The following SLC39A11 variants were observed in gnomAD, a reference collection of about 807,000 sequenced individuals.
The protein encoded by SLC39A11 is zinc transporter ZIP11.
A neutral mutation model predicts 36.1 loss-of-function variants in SLC39A11; 33 were observed. That is an observed-to-expected ratio of 0.91 (90% CI 0.69 to 1.22). The LOEUF is 1.22. Ranked by LOEUF, SLC39A11 falls within the 50% of genes most tolerant of loss-of-function variation. The pLI is 0.00. For synonymous variants in SLC39A11, 166 were observed against 170.3 expected, an observed-to-expected ratio of 0.97 and a Z score of 0.20; for missense variants, 432 against 430.3, an observed-to-expected ratio of 1.00 and a Z score of -0.03.
At chr17:72,855,829 G>A (rs895388152) in intron 5 of SLC39A11, among the ~76,000 whole-genome samples, 4 of 151,838 alleles carry the variant, frequency 2.6e-5, no homozygotes, top group African/African-American at 4.8e-5. Flanking sequence ...CCCGGGAGGC[G>A]GAGCTTGCAG....
At chr17:72,967,062 C>T (rs2147997752) in intron 4 of SLC39A11, among the ~76,000 whole-genome samples, 1 of 152,300 alleles carries the variant, frequency 6.6e-6, no homozygotes, top group East Asian at 1.9e-4. Flanking sequence ...TCCCATCACC[C>T]CTAGATGGGA....
At chr17:72,882,360 T>TAAA (rs11332921) in intron 5 of SLC39A11, among the ~76,000 whole-genome samples, 1 of 126,280 alleles carries the variant, frequency 7.9e-6, no homozygotes, top group South Asian at 2.6e-4. Flanking sequence ...TTCCTATATC[T>TAAA]AAAAAAAAAA....
intron 3 of SLC39A11, among the ~76,000 whole-genome samples, chr17:73,053,754 C>A (rs1490954373): frequency 1.3e-5 from 2 of 152,134 alleles, no homozygotes; most frequent in Admixed American, 1.3e-4. Context: ...TGGTGCCGAC[C>A]GCCCCCTGCC....
At chr17:73,018,336 G>T (rs760583980) in intron 4 of SLC39A11, among the ~76,000 whole-genome samples, 3 of 152,088 alleles carry the variant, frequency 2.0e-5, no homozygotes, top group Non-Finnish European at 4.4e-5. Flanking sequence ...ATTACCTGAG[G>T]TCAGGAGTTC....
intron 5 of SLC39A11, among the ~76,000 whole-genome samples, chr17:72,905,172 CAAAAAA>C (rs58702930): frequency 7.9e-4 from 34 of 42,912 alleles, no homozygotes; most frequent in East Asian, 2.2e-3. Flanking sequence ...GACTCCATCT[CAAAAAA>C]AAAAAAAAAA....
chr17:72,909,676 C>T (rs867207778), intron 5 of SLC39A11, among the ~76,000 whole-genome samples: 4 of 151,972 alleles, frequency 2.6e-5, no homozygotes, highest in African/African-American at 9.6e-5. Context: ...CCAAAGTCCT[C>T]ACTCACCAAT....
At chr17:72,740,254 G>A (rs1461239518) in intron 6 of SLC39A11, among the ~76,000 whole-genome samples, 4 of 151,570 alleles carry the variant, frequency 2.6e-5, no homozygotes, top group Admixed American at 6.6e-5. Flanking sequence ...TAGTAGAGAC[G>A]GGGTTTCACA....
intron 6 of SLC39A11, among the ~76,000 whole-genome samples, chr17:72,748,276 C>A (rs543231626): frequency 1.3e-5 from 2 of 151,036 alleles, no homozygotes; most frequent in Non-Finnish European, 2.9e-5. Flanking sequence ...GAGCCGAGAT[C>A]GCGCCATTGC....
intron 7 of SLC39A11, among the ~76,000 whole-genome samples, chr17:72,722,810 T>A (rs973820277): frequency 1.3e-4 from 19 of 151,956 alleles, no homozygotes; most frequent in African/African-American, 4.4e-4. Flanking sequence ...AATTTTTGTA[T>A]TTTTTAGTAG....
chr17:72,911,418 T>A (rs66621952), intron 5 of SLC39A11, among the ~76,000 whole-genome samples: 38,066 of 131,920 alleles, frequency 0.29, 5,485 homozygotes, highest in African/African-American at 0.43. Flanking sequence ...AAGTATAATT[T>A]AAAAAAAAAA....
intron 7 of SLC39A11, among the ~76,000 whole-genome samples, chr17:72,663,236 G>A (rs1406315278): frequency 2.6e-5 from 4 of 152,294 alleles, no homozygotes; most frequent in South Asian, 4.1e-4. Flanking sequence ...CAAACAACAC[G>A]TTTGAGCAGA....
chr17:72,774,459 C>T (rs1598669992), intron 6 of SLC39A11, among the ~76,000 whole-genome samples: 2 of 152,188 alleles, frequency 1.3e-5, no homozygotes, highest in Non-Finnish European at 2.9e-5. Flanking sequence ...CAAACCCGCG[C>T]TTCATTTTAC....
chr17:72,799,013 G>A (rs185785143), intron 6 of SLC39A11, among the ~76,000 whole-genome samples: 10 of 151,394 alleles, frequency 6.6e-5, no homozygotes, highest in Non-Finnish European at 1.2e-4. Context: ...TGGAGGAGGG[G>A]AGAGGAGCTG....
At chr17:72,864,326 T>C (rs1397002017) in intron 5 of SLC39A11, among the ~76,000 whole-genome samples, 16 of 150,340 alleles carry the variant, frequency 1.1e-4, no homozygotes, top group African/African-American at 3.7e-4. Flanking sequence ...TTTTTTTTTT[T>C]CCTAGCAACC....
At chr17:72,891,685 T>C (rs376201487) in intron 5 of SLC39A11, among the ~76,000 whole-genome samples, 2 of 152,106 alleles carry the variant, frequency 1.3e-5, no homozygotes, top group African/African-American at 4.8e-5. Context: ...CTACTTGGCA[T>C]TATTACACAT....
At chr17:72,883,984 GTC>G (rs767811045) in intron 5 of SLC39A11, among the ~76,000 whole-genome samples, 1 of 152,076 alleles carries the variant, frequency 6.6e-6, no homozygotes, top group Non-Finnish European at 1.5e-5. Context: ...GCAAAACTCT[GTC>G]TCTACAAAAA....
intron 4 of SLC39A11, among the ~76,000 whole-genome samples, chr17:72,994,331 T>C (rs1177312078): frequency 6.6e-6 from 1 of 152,288 alleles, no homozygotes; most frequent in South Asian, 2.1e-4. Flanking sequence ...AACTAATATA[T>C]ATAGAATGTT....
In SLC39A11 at chr17:73,075,846, C is replaced by T. The variant is rs1226358901; in HGVS notation, c.147+8962G>A. 3.3e-5 allele frequency among the ~76,000 whole-genome samples: 5 copies of T among 152,112 alleles called. No homozygotes were observed. In the South Asian group the frequency reaches 6.2e-4, roughly 19 times the overall value. On this transcript the variant is annotated intron_variant, in intron 3 of 9. Coordinates refer to ENST00000255559, the MANE Select transcript of SLC39A11 (RefSeq NM_139177.4). ...CTAGCCTGGGTGACAGAGTGAGACT[C>T]TATCTCAAAAAAATCCCAGATCTGC...
intron 5 of SLC39A11, among the ~76,000 whole-genome samples, chr17:72,856,371 C>A (rs1041383480): frequency 1.3e-5 from 2 of 152,150 alleles, no homozygotes; most frequent in African/African-American, 2.4e-5. Context: ...GCCTGCTGCC[C>A]AAATGAGGCC....
Sources: allele counts gnomAD v4.1 joint callset (sites outside exome capture counted in the v4.1 genomes callset), GRCh38; gene constraint gnomAD v4.1.1; transcripts MANE v1.5; gene names NCBI Gene and HGNC (gene_info 2026-07-23, HGNC 2026-07-21).